Variants in LARS2 observed in about 807,000 individuals in gnomAD.
LARS2 encodes leucine--tRNA ligase, mitochondrial.
A neutral mutation model predicts 116.6 loss-of-function variants in LARS2; 81 were observed. That is an observed-to-expected ratio of 0.69 (90% CI 0.58 to 0.84). The LOEUF (loss-of-function observed/expected upper bound fraction) is 0.84, where lower values mean the gene tolerates loss of function less well. LARS2 is among the 40% of genes least tolerant of loss of function. The probability of loss-of-function intolerance (pLI) is 0.00; values close to 1 mark genes in which losing one functional copy is unlikely to be tolerated. For synonymous variants in LARS2, 396 were observed against 407.2 expected (o/e 0.97, Z 0.33); for missense variants, 968 against 1,114.5 (o/e 0.87, Z 1.87).
chr3:45,496,672 G>C (rs1700017223), intron 14 of LARS2, among the ~76,000 whole-genome samples: 1 of 152,236 alleles, frequency 6.6e-6, no homozygotes, highest in Non-Finnish European at 1.5e-5. Flanking sequence ...GTCCATTAGA[G>C]TCTTACAGTC....
intron 2 of LARS2, among the ~76,000 whole-genome samples, chr3:45,393,901 T>C (rs777704951): frequency 6.6e-6 from 1 of 152,218 alleles, no homozygotes; most frequent in Non-Finnish European, 1.5e-5. Context: ...TTCTAAATAA[T>C]GGTTATTTTC....
At chr3:45,528,557 A>G (rs770138482) in intron 20 of LARS2, among the ~76,000 whole-genome samples, 1 of 152,196 alleles carries the variant, frequency 6.6e-6, no homozygotes, top group Admixed American at 6.5e-5. Flanking sequence ...TCCATTACTG[A>G]AAAAAGGTTC....
chr3:45,441,471 G>A (rs926863772), intron 6 of LARS2, among the ~76,000 whole-genome samples: 2 of 152,164 alleles, frequency 1.3e-5, no homozygotes, highest in Non-Finnish European at 2.9e-5. Flanking sequence ...GGGAAATGTG[G>A]TGTGGCCACA....
chr3:45,417,387 G>T, intron 4 of LARS2, 95 bp from the exon 5 acceptor site: 1 of 905,438 alleles, frequency 1.1e-6, no homozygotes, highest in Non-Finnish European at 1.8e-6. Context: ...GATAAGGCAT[G>T]TTAGCAGGAG....
chr3:45,446,676 A>G (rs2125704071), intron 6 of LARS2, among the ~76,000 whole-genome samples: 1 of 152,342 alleles, frequency 6.6e-6, no homozygotes, highest in African/African-American at 2.4e-5. Flanking sequence ...TTCTCATTGA[A>G]CATGCTCTCA....
At chr3:45,516,355 C>G (rs1426115818) in intron 17 of LARS2, 79 bp downstream of exon 17, 20 of 1,406,034 alleles carry the variant, frequency 1.4e-5, no homozygotes, top group Non-Finnish European at 1.8e-5. Flanking sequence ...AAGGAAATGT[C>G]TTTGCTGAAG....
chr3:45,523,917 C>T (rs1465945740), intron 19 of LARS2, 80 bp from the exon 20 acceptor site: 19 of 1,041,300 alleles, frequency 1.8e-5, no homozygotes, highest in Non-Finnish European at 2.5e-5. Context: ...TGTCTCTGGA[C>T]TTCAGATACA....
intron 7 of LARS2, among the ~76,000 whole-genome samples, chr3:45,447,660 A>G (rs1267936934): frequency 6.6e-6 from 1 of 152,226 alleles, no homozygotes; most frequent in African/African-American, 2.4e-5. Flanking sequence ...AATCAGCCAA[A>G]TAAACTTCTA....
At chr3:45,482,668 A>G (rs990632636) in intron 10 of LARS2, among the ~76,000 whole-genome samples, 1 of 152,234 alleles carries the variant, frequency 6.6e-6, no homozygotes, top group African/African-American at 2.4e-5. Flanking sequence ...AAAGAGTACT[A>G]ATAATAACAA....
chr3:45,518,600 C>T (rs748077817), intron 18 of LARS2, among the ~76,000 whole-genome samples: 14 of 152,142 alleles, frequency 9.2e-5, no homozygotes, highest in Non-Finnish European at 1.5e-4. Flanking sequence ...TCCCAGTCCT[C>T]CACATAGTGA....
chr3:45,443,866 G>T (rs1183715574), intron 6 of LARS2, among the ~76,000 whole-genome samples: 1 of 152,120 alleles, frequency 6.6e-6, no homozygotes, highest in African/African-American at 2.4e-5. Flanking sequence ...GAAAGCAGGG[G>T]CCTGTAATTC....
intron 8 of LARS2, among the ~76,000 whole-genome samples, chr3:45,473,626 C>T (rs1034316214): frequency 5.3e-5 from 8 of 151,296 alleles, no homozygotes; most frequent in South Asian, 2.1e-4. Flanking sequence ...TCAGGTGATC[C>T]GCCCACCTCA....
At chr3:45,500,677 G>A in intron 15 of LARS2, 98 bp downstream of exon 15, 1 of 880,790 alleles carries the variant, frequency 1.1e-6, no homozygotes, top group Admixed American at 3.0e-5. Context: ...GCATGTAGTA[G>A]AATACTAGTT....
At position 45,453,866 on chromosome 3, in the gene LARS2, AAAAG is replaced by A. The variant is rs1559474249; in HGVS notation, c.607-4869_607-4866del. ...AAAAGGTCTTTGATAGTTTAAAAAA[AAAAG>A]AAAGAAAAGAAAAGCAGAGCTTGAG... is the stretch of plus-strand genomic sequence containing the variant. On this transcript the variant is annotated intron_variant, in intron 7 of 21. Coordinates refer to ENST00000645846, the MANE Select transcript of LARS2 (RefSeq NM_015340.4). Among the ~76,000 whole-genome samples, 6 of 152,002 alleles carry A rather than the reference AAAAG, an allele frequency of 3.9e-5. No homozygotes were observed. In the South Asian group the frequency reaches 1.2e-3, roughly 32 times the overall value.
At chr3:45,487,777 A>C (rs370012406) in intron 11 of LARS2, among the ~76,000 whole-genome samples, 1 of 46,756 alleles carries the variant, frequency 2.1e-5, no homozygotes, top group Non-Finnish European at 1.3e-4. Flanking sequence ...TGGGGGGAAA[A>C]GAAAAAAAAA....
chr3:45,405,105 T>G (rs1698213090), intron 4 of LARS2, among the ~76,000 whole-genome samples: 1 of 151,218 alleles, frequency 6.6e-6, no homozygotes. Flanking sequence ...TGTGTTAGCA[T>G]GTCAAGTTTT....
chr3:45,516,359 G>A, intron 17 of LARS2, 83 bp downstream of exon 17: 1 of 1,334,400 alleles, frequency 7.5e-7, no homozygotes, highest in Non-Finnish European at 1.0e-6. Flanking sequence ...AAATGTCTTT[G>A]CTGAAGACAG....
At chr3:45,528,869 A>G (rs1248262397) in intron 20 of LARS2, among the ~76,000 whole-genome samples, 2 of 67,762 alleles carry the variant, frequency 3.0e-5, no homozygotes, top group Non-Finnish European at 5.2e-5. Context: ...CTTTTCTACA[A>G]CATCTTTTTT....
At chr3:45,408,707 T>C (rs976049679) in intron 4 of LARS2, among the ~76,000 whole-genome samples, 4 of 152,214 alleles carry the variant, frequency 2.6e-5, no homozygotes, top group Admixed American at 2.6e-4. Context: ...CCTTTGGGCT[T>C]TGTTAACTCT....
Sources: gnomAD v4.1 joint callset for allele counts (sites outside exome capture counted in the v4.1 genomes callset) on GRCh38, gnomAD v4.1.1 for gene constraint, MANE v1.5 for transcripts, NCBI Gene and HGNC (gene_info 2026-07-23, HGNC 2026-07-21) for gene names.